TRIM51G: variants seen among roughly 807,000 people sequenced by gnomAD.
The protein encoded by TRIM51G is tripartite motif-containing protein 51G.
chr11:48,982,401 T>A, the TRIM51G span, among the ~76,000 whole-genome samples: 3 of 152,082 alleles, frequency 2.0e-5, no homozygotes, highest in Non-Finnish European at 4.4e-5. Flanking sequence ...TAATTATAGG[T>A]GTTGACTTGA....
the TRIM51G span, chr11:48,975,926 C>G: frequency 1.3e-6 from 1 of 745,376 alleles, no homozygotes; most frequent in Non-Finnish European, 2.5e-6. Context: ...TCACATCCAA[C>G]CTTCATGCTT....
the TRIM51G span, chr11:48,981,612 T>C: frequency 2.5e-6 from 4 of 1,600,622 alleles, no homozygotes; most frequent in Non-Finnish European, 3.4e-6. Flanking sequence ...GCCCACAGTC[T>C]ATGGTGACTG....
chr11:48,981,296 C>T, the TRIM51G span: 2 of 1,605,606 alleles, frequency 1.2e-6, no homozygotes, highest in Non-Finnish European at 8.5e-7. Context: ...CGGCGTTCCT[C>T]AGCAGCCCAC....
the TRIM51G span, chr11:48,981,361 C>G: frequency 6.2e-7 from 1 of 1,607,620 alleles, no homozygotes; most frequent in Admixed American, 1.7e-5. Context: ...GCACAGCAAA[C>G]AGAGCAGGCT....
chr11:48,981,719 A>G, the TRIM51G span: 2 of 1,595,924 alleles, frequency 1.3e-6, no homozygotes, highest in East Asian at 2.2e-5. Flanking sequence ...AAAGAGCAGC[A>G]TGTCATTTTG....
chr11:48,979,502 T>C, the TRIM51G span, among the ~76,000 whole-genome samples: 48 of 152,120 alleles, frequency 3.2e-4, 1 homozygote, highest in Non-Finnish European at 5.7e-4. Flanking sequence ...GACCACAGAC[T>C]AGCATTGTCA....
chr11:48,977,711 A>G, the TRIM51G span, among the ~76,000 whole-genome samples: 1 of 152,068 alleles, frequency 6.6e-6, no homozygotes, highest in African/African-American at 2.4e-5. Context: ...AATCATCAAC[A>G]CTTTTCACTG....
the TRIM51G span, among the ~76,000 whole-genome samples, chr11:48,979,834 C>T: frequency 6.9e-6 from 1 of 144,628 alleles, no homozygotes; most frequent in Non-Finnish European, 1.5e-5. Flanking sequence ...ACACTGACAC[C>T]CAGATACACA....
At chr11:48,982,065 GGA>G in the TRIM51G span, among the ~76,000 whole-genome samples, 1 of 152,090 alleles carries the variant, frequency 6.6e-6, no homozygotes, top group Non-Finnish European at 1.5e-5. Flanking sequence ...AATGACTGTG[GGA>G]GAGGTGTAGA....
chr11:48,976,171 T>C, the TRIM51G span, among the ~76,000 whole-genome samples: 289 of 152,182 alleles, frequency 1.9e-3, no homozygotes, highest in South Asian at 4.8e-3. Context: ...ATATTCTCTA[T>C]AGGAAAAAAC....
At chr11:48,980,619 C>A in the TRIM51G span, among the ~76,000 whole-genome samples, 1 of 152,118 alleles carries the variant, frequency 6.6e-6, no homozygotes, top group South Asian at 2.1e-4. Flanking sequence ...AGGCAGCCCA[C>A]TGGGAACAGT....
chr11:48,975,827 C>T, the TRIM51G span: 1 of 1,387,872 alleles, frequency 7.2e-7, no homozygotes, highest in Admixed American at 1.7e-5. Context: ...ATGTTAAACT[C>T]CCAATAAAAT....
At chr11:48,981,213 T>C in the TRIM51G span, 6 of 1,581,642 alleles carry the variant, frequency 3.8e-6, no homozygotes, top group Non-Finnish European at 4.3e-6. Context: ...CATCATCCAA[T>C]CTCGAAGGAA....
At chr11:48,978,744 A>G in the TRIM51G span, 8 of 582,344 alleles carry the variant, frequency 1.4e-5, no homozygotes, top group Admixed American at 1.6e-4. Context: ...ACCAAGTAGC[A>G]TTAGTTATAG....
At chr11:48,978,233 A>T in the TRIM51G span, 1 of 519,496 alleles carries the variant, frequency 1.9e-6, no homozygotes, top group Non-Finnish European at 4.0e-6. Context: ...TGTGATATGG[A>T]GACAGTTTCT....
At chr11:48,981,722 T>C in the TRIM51G span, 1 of 1,591,912 alleles carries the variant, frequency 6.3e-7, no homozygotes, top group Non-Finnish European at 8.6e-7. Context: ...GAGCAGCATG[T>C]CATTTTGGGT....
the TRIM51G span, among the ~76,000 whole-genome samples, chr11:48,977,333 A>T: frequency 6.6e-6 from 1 of 152,172 alleles, no homozygotes; most frequent in Non-Finnish European, 1.5e-5. Context: ...ATTCATTCTT[A>T]TTCACAGTTC....
chr11:48,978,964 T>G, the TRIM51G span: 3 of 1,582,518 alleles, frequency 1.9e-6, no homozygotes, highest in South Asian at 2.2e-5. Context: ...ATTCTGGCTT[T>G]GCTTTCATTG....
At chr11:48,983,701 AAGAG>A in the TRIM51G span, among the ~76,000 whole-genome samples, 2 of 151,944 alleles carry the variant, frequency 1.3e-5, no homozygotes, top group African/African-American at 4.8e-5. Flanking sequence ...CTTTTAAAGG[AAGAG>A]AGAAATAATT....
Sources: allele counts gnomAD v4.1 joint callset (sites outside exome capture counted in the v4.1 genomes callset), GRCh38; gene constraint gnomAD v4.1.1; transcripts MANE v1.5; gene names NCBI Gene and HGNC (gene_info 2026-07-23, HGNC 2026-07-21).